Variants in TENT4B observed in about 807,000 individuals in gnomAD.
TENT4B encodes the protein terminal nucleotidyltransferase 4B.
A neutral mutation model predicts 75.0 loss-of-function variants in TENT4B; 10 were observed. That is an observed-to-expected ratio of 0.13 (90% CI 0.08 to 0.23). The LOEUF is 0.23. Ranked by LOEUF, TENT4B falls within the 10% of genes least tolerant of loss-of-function variation. The probability of loss-of-function intolerance (pLI) is 1.00; values close to 1 mark genes in which losing one functional copy is unlikely to be tolerated. For missense variants in TENT4B, 579 were observed against 893.8 expected, an observed-to-expected ratio of 0.65 and a Z score of 4.49; for synonymous variants, 350 against 357.7, an observed-to-expected ratio of 0.98 and a Z score of 0.24.
Position 50,230,500 on chromosome 16 carries a change from T to C in TENT4B, c.*1172T>C. The C allele has an allele frequency of 1.0e-6, 1 of 979,912 alleles. No individual in the cohort carries two copies. The highest frequency in any genetic ancestry group is 1.2e-6 in the Non-Finnish European group (1 of 824,566). The allele number at this position is 979,912 out of a possible 1,614,324, so 60.7% of individuals were successfully genotyped here. A position where few individuals can be genotyped will look rare whatever the true frequency, so the allele number is the denominator to read the frequency against. On this transcript the variant is annotated 3_prime_UTR_variant, in exon 12 of 12. Coordinates refer to ENST00000561678, the MANE Select transcript of TENT4B (RefSeq NM_001365324.3). ...AACAGCTTTAATTAAATCATACTTA[T>C]AAAAAACTATTTTCTTATATTCCAC...
At chr16:50,204,056 G>C (rs760901714) in intron 1 of TENT4B, among the ~76,000 whole-genome samples, 1 of 152,188 alleles carries the variant, frequency 6.6e-6, no homozygotes, top group Non-Finnish European at 1.5e-5. Flanking sequence ...TGGGGCTGTC[G>C]TAGAAGAGGG....
chr16:50,170,486 A>G (rs1304596887), intron 1 of TENT4B, among the ~76,000 whole-genome samples: 2 of 152,330 alleles, frequency 1.3e-5, no homozygotes, highest in South Asian at 2.1e-4. Flanking sequence ...ATTTACATGT[A>G]AAAACTATGT....
intron 1 of TENT4B, among the ~76,000 whole-genome samples, chr16:50,160,595 ATGGG>A (rs1307893491): frequency 6.6e-6 from 1 of 152,216 alleles, no homozygotes; most frequent in African/African-American, 2.4e-5. Context: ...AGAAGGGTCC[ATGGG>A]AACAGAATTT....
chr16:50,219,274 G>A (rs562787310), intron 5 of TENT4B, among the ~76,000 whole-genome samples: 27 of 152,138 alleles, frequency 1.8e-4, no homozygotes, highest in African/African-American at 6.3e-4. Flanking sequence ...TGTTTTTTGC[G>A]TTGCTTTTTT....
Position 50,232,435 on chromosome 16 carries a change from C to G in TENT4B, c.*3107C>G. 1.0e-6 allele frequency: 1 copy of G among 985,406 alleles called. No homozygotes were observed. The highest frequency in any genetic ancestry group is 1.2e-6 in the Non-Finnish European group (1 of 829,944). 61.0% of individuals were successfully genotyped at this position (985,406 alleles called of 1,614,324 possible). A position where few individuals can be genotyped will look rare whatever the true frequency, so the allele number is the denominator to read the frequency against. On this transcript the variant is annotated 3_prime_UTR_variant, in exon 12 of 12. Transcript: ENST00000561678. Reference sequence around the variant, plus strand: ...GATTTGGCTCCAGATATTCCTAGATCTGCACAGGGCAAAACATGGGCTATA... The same window carrying G: ...GATTTGGCTCCAGATATTCCTAGATGTGCACAGGGCAAAACATGGGCTATA...
At chr16:50,170,678 T>C (rs957812389) in intron 1 of TENT4B, among the ~76,000 whole-genome samples, 5 of 151,828 alleles carry the variant, frequency 3.3e-5, no homozygotes, top group African/African-American at 1.2e-4. Context: ...ATTTTTTTTT[T>C]TTCTTTGAGA....
intron 1 of TENT4B, among the ~76,000 whole-genome samples, chr16:50,184,367 C>T (rs146110937): frequency 6.3e-4 from 96 of 152,206 alleles, no homozygotes; most frequent in Middle Eastern, 6.8e-3. Flanking sequence ...TTTCCATTGA[C>T]TATTAAGAGT....
intron 2 of TENT4B, among the ~76,000 whole-genome samples, chr16:50,211,688 TA>T (rs1567506713): frequency 6.6e-6 from 1 of 152,220 alleles, no homozygotes; most frequent in South Asian, 2.1e-4. Flanking sequence ...TAGCAACTAC[TA>T]AAGGCAAGCT....
chr16:50,208,244 A>C (rs1359544121), intron 1 of TENT4B, among the ~76,000 whole-genome samples: 1 of 152,096 alleles, frequency 6.6e-6, no homozygotes, highest in Admixed American at 6.6e-5. Context: ...CATTTTTTCT[A>C]AAATAGGAAG....
intron 1 of TENT4B, among the ~76,000 whole-genome samples, chr16:50,167,083 C>T (rs2038115428): frequency 6.6e-6 from 1 of 152,152 alleles, no homozygotes; most frequent in African/African-American, 2.4e-5. Context: ...CGCTAGCATG[C>T]CCAGCTAAAA....
intron 1 of TENT4B, among the ~76,000 whole-genome samples, chr16:50,198,083 A>AAG (rs1596708493): frequency 1.3e-5 from 2 of 151,552 alleles, no homozygotes; most frequent in East Asian, 3.9e-4. Flanking sequence ...AAACACACAA[A>AAG]AGTCAGTATC....
chr16:50,165,447 A>G (rs2038081686), intron 1 of TENT4B, among the ~76,000 whole-genome samples: 1 of 151,888 alleles, frequency 6.6e-6, no homozygotes, highest in Non-Finnish European at 1.5e-5. Context: ...AGTAATTCAC[A>G]TACCATAAAT....
intron 1 of TENT4B, among the ~76,000 whole-genome samples, chr16:50,173,030 C>T (rs1402142345): frequency 1.3e-5 from 2 of 152,186 alleles, no homozygotes; most frequent in Non-Finnish European, 2.9e-5. Flanking sequence ...AAACTCTCCG[C>T]CTCCTGGGTT....
At chr16:50,202,859 A>G (rs997356908) in intron 1 of TENT4B, among the ~76,000 whole-genome samples, 26 of 152,310 alleles carry the variant, frequency 1.7e-4, no homozygotes, top group African/African-American at 6.3e-4. Context: ...CATAGCAGCA[A>G]AGTGGGAAGG....
chr16:50,168,120 AAAAG>A (rs2038137842), intron 1 of TENT4B, among the ~76,000 whole-genome samples: 1 of 94,550 alleles, frequency 1.1e-5, no homozygotes, highest in Admixed American at 1.1e-4. Context: ...TTAAAAAAAA[AAAAG>A]AATGCAGAAG....
intron 3 of TENT4B, among the ~76,000 whole-genome samples, chr16:50,214,603 C>T (rs2031454492): frequency 6.6e-6 from 1 of 152,166 alleles, no homozygotes. Flanking sequence ...TTGCAGTGAG[C>T]CGAGATCGCG....
At chr16:50,169,449 C>T (rs1339236273) in intron 1 of TENT4B, among the ~76,000 whole-genome samples, 1 of 124,764 alleles carries the variant, frequency 8.0e-6, no homozygotes, top group African/African-American at 3.0e-5. Flanking sequence ...GTGTACATCT[C>T]TCAGAAGACA....
rs1046156537 is a variant in TENT4B, at chr16:50,217,677, G to A, written c.1038+14G>A. On this transcript the variant is annotated intron_variant, in intron 5 of 11. Transcript: ENST00000561678. ...GATTTTACCAAGGTCAGAGAATTTA[G>A]CGTTTATACAACAAAACTATTAGAA... 6.2e-6 allele frequency: 9 copies of A among 1,448,226 alleles called. No homozygotes were observed. The African/African-American group carries it at 1.3e-4, about 21-fold the overall frequency. 89.7% of individuals were successfully genotyped at this position (1,448,226 alleles called of 1,614,324 possible).
chr16:50,195,621 A>G (rs2030180845), intron 1 of TENT4B, among the ~76,000 whole-genome samples: 1 of 152,192 alleles, frequency 6.6e-6, no homozygotes. Flanking sequence ...AGTGTACAGC[A>G]TATTTTTGTC....
Sources: allele counts gnomAD v4.1 joint callset (sites outside exome capture counted in the v4.1 genomes callset), GRCh38; gene constraint gnomAD v4.1.1; transcripts MANE v1.5; gene names NCBI Gene and HGNC (gene_info 2026-07-23, HGNC 2026-07-21).